Variants in TONSL observed in about 807,000 individuals in gnomAD.
TONSL encodes the protein tonsoku-like protein.
Under a neutral mutation model 147.1 loss-of-function variants are expected in TONSL, and 112 were observed. The ratio of observed to expected loss-of-function variants is 0.76; its 90% CI spans 0.65 to 0.89. TONSL has a LOEUF of 0.89. TONSL is among the 40% of genes least tolerant of loss of function. The pLI, the probability that TONSL is intolerant of heterozygous loss-of-function variation, is 0.00. For missense variants in TONSL, 1,883 were observed against 1,864.6 expected (o/e 1.01, Z -0.18); for synonymous variants, 868 against 801.5 (o/e 1.08, Z -1.40).
Position 144,435,995 on chromosome 8 carries a change from C to T in TONSL, c.2438G>A (p.Gly813Asp), listed in dbSNP as rs764157798. The T allele has an allele frequency of 1.5e-5, 24 of 1,551,182 alleles. No homozygotes were observed. The highest frequency in any genetic ancestry group is 5.4e-5 in the Admixed American group (3 of 55,338). The part of the protein sequence containing the change: ...QSRLGPGPPR[G>D]HSKALAPQAA... ...CTGGGGGGCAAGGGCTTTGCTGTGG[C>T]CCCGCGGTGGGCCAGGCCCCAGCCG... Residue 813 changes from glycine (G) to aspartate (D), a missense_variant, in exon 17 of 26, where the codon GGC becomes GAC. Physicochemically the swap from Gly to Asp is moderately conservative, Grantham distance 94 (BLOSUM62 -1). Coordinates refer to ENST00000409379, the MANE Select transcript of TONSL (RefSeq NM_013432.5).
chr8:144,430,834 A>G (rs1442690020), intron 24 of TONSL, among the ~76,000 whole-genome samples: 1 of 152,230 alleles, frequency 6.6e-6, no homozygotes, highest in Non-Finnish European at 1.5e-5. Context: ...GGGCCGAGGC[A>G]CAGGAATGAC....
chr8:144,431,426 A>G (rs1823186053), intron 23 of TONSL, among the ~76,000 whole-genome samples: 1 of 152,022 alleles, frequency 6.6e-6, no homozygotes. Context: ...GGGCAAGATC[A>G]CCCTGAGTCC....
In TONSL at chr8:144,430,498, C is replaced by T. The variant is rs1823141766; in HGVS notation, c.3849G>A (p.Leu1283=). ...SLCPSLISLD[L]SANPEISCAS... is the part of the protein sequence containing the mutation. ...CACAGCTGATCTCAGGGTTGGCAGA[C>T]AGATCCAGTGAGATGAGTGAGGGGC... is the stretch of plus-strand genomic sequence containing the variant. Residue 1283 remains leucine, a synonymous_variant, in exon 25 of 26, where the codon CTG becomes CTA. Transcript: ENST00000409379. 4 of 1,613,506 alleles carry T rather than the reference C, an allele frequency of 2.5e-6. No individual in the cohort carries two copies. The highest frequency in any genetic ancestry group is 3.4e-6 in the Non-Finnish European group (4 of 1,179,696).
chr8:144,444,361 C>T, intron 1 of TONSL, 29 bp downstream of exon 1: 1 of 1,283,846 alleles, frequency 7.8e-7, no homozygotes, highest in Non-Finnish European at 9.9e-7. Context: ...CTCCGCGCCC[C>T]CGGAGGAAGG....
Position 144,429,236 on chromosome 8 carries a change from G to A in TONSL, c.4044C>T (p.Asp1348=). 6.5e-7 allele frequency: 1 copy of A among 1,535,414 alleles called. No homozygotes were observed. Among genetic ancestry groups the A allele is most frequent in the Non-Finnish European group, 8.7e-7 (1 of 1,144,186 alleles). The change falls in exon 26 of 26, where the codon GAC becomes GAT. Residue 1348 remains aspartate (D), a synonymous_variant. Coordinates refer to ENST00000409379, the MANE Select transcript of TONSL (RefSeq NM_013432.5). ...QLCSRRLCAE[D]RDALRQLQPS... Reference sequence around the variant, plus strand: ...GCTGCAGCTGGCGCAGGGCGTCCCTGTCCTCAGCGCAGAGGCGTCTGCTGC... The same window carrying A: ...GCTGCAGCTGGCGCAGGGCGTCCCTATCCTCAGCGCAGAGGCGTCTGCTGC...
chr8:144,435,127 G>A lies in TONSL; in HGVS notation c.2896C>T (p.Gln966Ter), dbSNP rs1190799728. The change falls in exon 19 of 26, where the codon CAG (glutamine) becomes TAG (stop). Residue 966 changes from glutamine (Q) to a stop codon, truncating the protein, a stop_gained. Coordinates refer to ENST00000409379, the MANE Select transcript of TONSL (RefSeq NM_013432.5). LOFTEE classifies it high-confidence loss of function. ...AGCCCGCAGGTCTGGTAGTAGCGCT[G>A]GGCCGCCTGCTCGGCCAGCCAGGCC... is the stretch of plus-strand genomic sequence containing the variant. ...SVAWLAEQAAQRYYQTCGLLP... is the reference protein window; with the variant it reads ...SVAWLAEQAA 6.3e-7 allele frequency: 1 copy of A among 1,581,996 alleles called. No homozygotes were observed. The highest frequency in any genetic ancestry group is 1.8e-5 in the Admixed American group (1 of 55,854).
chr8:144,434,212 G>A lies in TONSL; in HGVS notation c.3153C>T (p.Ser1051=), dbSNP rs1554879392. The change falls in exon 21 of 26, where the codon TCC becomes TCT. Residue 1051 remains serine, a synonymous_variant. Coordinates refer to ENST00000409379, the MANE Select transcript of TONSL (RefSeq NM_013432.5). ...QGLGLSFSAC[S]LALDQAQLTP... The stretch of plus-strand genomic sequence containing the variant: ...TAAGCTGGGCCTGGTCCAGGGCCAG[G>A]GAGCAGGCGCTGAACGAGAGGCCCA... 1 of 1,572,640 alleles carries A rather than the reference G, an allele frequency of 6.4e-7. No homozygotes were observed. The highest frequency in any genetic ancestry group is 8.6e-7 in the Non-Finnish European group (1 of 1,156,228).
rs375513978 is a variant in TONSL at position 144,433,977 on chromosome 8, C to G, written c.3387+1G>C. On this transcript the variant is annotated splice_donor_variant, in intron 21 of 25. Transcript: ENST00000409379. LOFTEE classifies it high-confidence loss of function. ...GGGCCTGCTGCTCTCTGTGCCTATA[C>G]CTGCAAGGTGGCTTGGCCTGGGAGC... is the stretch of plus-strand genomic sequence containing the variant. 1 of 1,577,966 alleles carries G rather than the reference C, an allele frequency of 6.3e-7. No homozygotes were observed. The highest frequency in any genetic ancestry group is 1.3e-5 in the African/African-American group (1 of 74,182).
In TONSL at chr8:144,436,207, G is replaced by A. The variant is rs765682275; in HGVS notation, c.2226C>T (p.Ser742=). ...RSRHGPASSS[S]SSEGEDSAGP... is the part of the protein sequence containing the mutation. Reference sequence around the variant, plus strand: ...CTGCGCTGTCCTCGCCTTCTGAGCTGCTGCTGCTGCTGGCTGGCCCATGCC... The same window carrying A: ...CTGCGCTGTCCTCGCCTTCTGAGCTACTGCTGCTGCTGGCTGGCCCATGCC... Residue 742 remains serine, a synonymous_variant, in exon 17 of 26, where the codon AGC becomes AGT. Coordinates refer to ENST00000409379, the MANE Select transcript of TONSL (RefSeq NM_013432.5). 6.4e-7 allele frequency: 1 copy of A among 1,566,250 alleles called. No individual in the cohort carries two copies. The highest frequency in any genetic ancestry group is 8.6e-7 in the Non-Finnish European group (1 of 1,158,992).
In TONSL at chr8:144,444,293, G is replaced by A. The variant is rs114625445; in HGVS notation, c.26-18C>T. ...GCTCAGCTCTGTGGGAGGAAGAGGA[G>A]GGCTGGGCCTCCGCGGCGGGGTCCG... On this transcript the variant is annotated intron_variant, in intron 1 of 25. Transcript: ENST00000409379. 2 of 1,375,362 alleles carry A rather than the reference G, an allele frequency of 1.5e-6. No individual in the cohort carries two copies. The highest frequency in any genetic ancestry group is 3.2e-5 in the Admixed American group (1 of 31,224). 85.2% of individuals were successfully genotyped at this position (1,375,362 alleles called of 1,614,324 possible). A position where few individuals can be genotyped will look rare whatever the true frequency, so the allele number is the denominator to read the frequency against.
chr8:144,433,055 G>A (rs931431946), intron 22 of TONSL: 1 of 156,070 alleles, frequency 6.4e-6, no homozygotes, highest in African/African-American at 2.4e-5. Context: ...GGAGAGCCAG[G>A]TCTGGCATCC....
At chr8:144,431,374 C>T (rs1554878620) in intron 23 of TONSL, among the ~76,000 whole-genome samples, 19 of 152,200 alleles carry the variant, frequency 1.2e-4, no homozygotes, top group Non-Finnish European at 2.9e-5. Context: ...CAGGAGAGAG[C>T]ATCAGGGGCC....
chr8:144,435,375 G>C (rs1174201854), intron 18 of TONSL, 99 bp downstream of exon 18: 1 of 1,273,422 alleles, frequency 7.9e-7, no homozygotes, highest in African/African-American at 1.5e-5. Flanking sequence ...GAACACACCA[G>C]GGAGCCCTCG....
Position 144,440,006 on chromosome 8 carries a change from GC to G in TONSL, c.1480+14del. On this transcript the variant is annotated intron_variant, in intron 11 of 25. Transcript: ENST00000409379. Reference sequence around the variant, plus strand: ...GAGCAGGCCCAGGGAAATGCAAGGTGCCGCTGGCCCTCACCGCCCTCTGAGA... The same window carrying G: ...GAGCAGGCCCAGGGAAATGCAAGGTGCGCTGGCCCTCACCGCCCTCTGAGA... The G allele has an allele frequency of 1.0e-6, 1 of 996,502 alleles. No homozygotes were observed. The highest frequency in any genetic ancestry group is 1.3e-5 in the South Asian group (1 of 78,588). The allele number at this position is 996,502 out of a possible 1,614,324, so 61.7% of individuals were successfully genotyped here.
At position 144,443,987 on chromosome 8, in the gene TONSL, CT is replaced by C; in HGVS notation, c.158del (p.Glu53GlyfsTer105). On this transcript the variant is annotated frameshift_variant, in exon 3 of 26. Coordinates refer to ENST00000409379, the MANE Select transcript of TONSL (RefSeq NM_013432.5). LOFTEE classifies it high-confidence loss of function. ...YAEALEQHWQ[E>X]LQLRERADDP... ...CGTCAGCGCGCTCCCGAAGCTGCAG[CT>C]CCTGCCAGTGCTGCTCCAGAGCCTC... 4 of 1,540,132 alleles carry C rather than the reference CT, an allele frequency of 2.6e-6. No individual in the cohort carries two copies. The highest frequency in any genetic ancestry group is 3.5e-6 in the Non-Finnish European group (4 of 1,146,592).
chr8:144,442,952 C>G (rs1823776309), intron 4 of TONSL, 146 bp from the exon 5 acceptor site: 1 of 1,271,790 alleles, frequency 7.9e-7, no homozygotes. Context: ...AGATGGAGCA[C>G]AGAGTGGATA....
Position 144,436,584 on chromosome 8 carries a change from A to C in TONSL, c.1988T>G (p.Leu663Arg). 2 of 1,611,310 alleles carry C rather than the reference A, an allele frequency of 1.2e-6. No homozygotes were observed. The highest frequency in any genetic ancestry group is 1.7e-6 in the Non-Finnish European group (2 of 1,179,924). ...TRQKARAMEM[L>R]LQAAASGQDP... ...TTGGCCCGAGGCAGCCGCCTGGAGC[A>C]GCATCTCCATGGCCCTGGCCTTCTG... The change falls in exon 16 of 26, where the codon CTG (leucine) becomes CGG (arginine). Residue 663 changes from leucine (L) to arginine (R), a missense_variant. Transcript: ENST00000409379.
At chr8:144,438,945 C>T (rs1823590927) in intron 11 of TONSL, among the ~76,000 whole-genome samples, 1 of 152,156 alleles carries the variant, frequency 6.6e-6, no homozygotes, top group Non-Finnish European at 1.5e-5. Flanking sequence ...CCTGCTCCTG[C>T]CCACCATCCC....
rs371647926 is a variant in TONSL, at chr8:144,436,265, G to A, written c.2168C>T (p.Ala723Val). Residue 723 changes from alanine to valine, a missense_variant, in exon 17 of 26, where the codon GCG becomes GTG. By Grantham distance (64) the Ala-to-Val change is moderately conservative (BLOSUM62 0). Transcript: ENST00000409379. Reference protein sequence around the residue: ...QAHVRVSPGQAAPAMARPRRS... With the variant: ...QAHVRVSPGQVAPAMARPRRS... ...CCGAGGCCTGGCCATGGCTGGTGCC[G>A]CCTGCCCTGGGGAGACCCTGACATG... 9.7e-5 allele frequency: 148 copies of A among 1,527,424 alleles called. 1 individual carries two copies. The African/African-American group carries it at 1.6e-3, about 16-fold the overall frequency. The allele number at this position is 1,527,424 out of a possible 1,614,324, so 94.6% of individuals were successfully genotyped here. A position where few individuals can be genotyped will look rare whatever the true frequency, so the allele number is the denominator to read the frequency against.
Sources: gnomAD v4.1 joint callset for allele counts (sites outside exome capture counted in the v4.1 genomes callset) on GRCh38, gnomAD v4.1.1 for gene constraint, MANE v1.5 for transcripts, NCBI Gene and HGNC (gene_info 2026-07-23, HGNC 2026-07-21) for gene names.